Variants in PCSK6 observed in about 807,000 individuals in gnomAD.
PCSK6 encodes the protein proprotein convertase subtilisin/kexin type 6.
PCSK6 carries 85 observed loss-of-function variants against 123.3 expected under a neutral mutation model. The ratio of observed to expected loss-of-function variants is 0.69; its 90% CI spans 0.58 to 0.83. The LOEUF is 0.83. Among genes scored for constraint, PCSK6 ranks in the 40% least tolerant of loss-of-function variants. The probability of loss-of-function intolerance (pLI) is 0.00; values close to 1 mark genes in which losing one functional copy is unlikely to be tolerated. For missense variants in PCSK6, 1,191 were observed against 1,282.3 expected, an observed-to-expected ratio of 0.93 and a Z score of 1.09; for synonymous variants, 508 against 516.0, an observed-to-expected ratio of 0.98 and a Z score of 0.21.
intron 14 of PCSK6, 71 bp from the exon 15 acceptor site, chr15:101,331,760 C>A: frequency 6.2e-7 from 1 of 1,601,404 alleles, no homozygotes. Context: ...TCAGCCCCAC[C>A]TTTGCCAGGA....
At chr15:101,341,911 C>T (rs1193791902) in intron 13 of PCSK6, among the ~76,000 whole-genome samples, 2 of 152,082 alleles carry the variant, frequency 1.3e-5, no homozygotes, top group Admixed American at 1.3e-4. Context: ...GTATGGGTCA[C>T]TTGAGGTCAG....
intron 6 of PCSK6, among the ~76,000 whole-genome samples, chr15:101,420,637 A>G (rs1347198146): frequency 6.6e-6 from 1 of 152,240 alleles, no homozygotes; most frequent in African/African-American, 2.4e-5. Flanking sequence ...TGCTGGGATT[A>G]CAAGTGTGAA....
chr15:101,428,232 T>G (rs2056325225), intron 5 of PCSK6, among the ~76,000 whole-genome samples: 2 of 151,872 alleles, frequency 1.3e-5, no homozygotes, highest in Admixed American at 6.6e-5. Flanking sequence ...CCAGCATGCC[T>G]CCCCTGACCC....
chr15:101,362,973 C>T (rs1214379435), intron 13 of PCSK6, among the ~76,000 whole-genome samples: 1 of 152,124 alleles, frequency 6.6e-6, no homozygotes, highest in South Asian at 2.1e-4. Context: ...GGGACCCTGA[C>T]GAGCCCCGGT....
In PCSK6 at chr15:101,463,111, C is replaced by T. The variant is rs186448680; in HGVS notation, c.298-19451G>A. The T allele has an allele frequency of 1.3e-3, 598 of 459,294 alleles. 1 individual carries two copies. Among genetic ancestry groups the T allele is most frequent in the Non-Finnish European group, 2.4e-3 (541 of 228,112 alleles). The allele number at this position is 459,294 out of a possible 1,614,324, so 28.5% of individuals were successfully genotyped here. On this transcript the variant is annotated intron_variant, in intron 1 of 21. Transcript: ENST00000611716. ...CTCACCTTCCTAAAACTGTAAGAGA[C>T]CTGGAGCCGTTGAGCATCAATGACT... is the stretch of plus-strand genomic sequence containing the variant.
intron 13 of PCSK6, among the ~76,000 whole-genome samples, chr15:101,337,725 G>A (rs771474252): frequency 6.6e-6 from 1 of 152,222 alleles, no homozygotes; most frequent in Non-Finnish European, 1.5e-5. Flanking sequence ...CAGGGAACAT[G>A]TCTCTCTTGT....
At chr15:101,390,377 T>G (rs867155779) in intron 8 of PCSK6, among the ~76,000 whole-genome samples, 1 of 37,198 alleles carries the variant, frequency 2.7e-5, no homozygotes, top group South Asian at 1.1e-3. Context: ...TGTCCCCTGG[T>G]GTTATTCCAA....
Position 101,366,303 on chromosome 15 carries a change from G to A in PCSK6, c.1751C>T (p.Thr584Ile). 1.9e-6 allele frequency: 3 copies of A among 1,613,204 alleles called. No individual in the cohort carries two copies. The highest frequency in any genetic ancestry group is 2.5e-6 in the Non-Finnish European group (3 of 1,179,572). ...RLLDLSNEGFTNWEFMTVHCW... is the reference protein window; with the variant it reads ...RLLDLSNEGFINWEFMTVHCW... Reference sequence around the variant, plus strand: ...GTGGACAGTCATGAATTCCCAGTTTGTAAACCCTTCATTGGAAAGATCCAG... The same window carrying A: ...GTGGACAGTCATGAATTCCCAGTTTATAAACCCTTCATTGGAAAGATCCAG... The change falls in exon 13 of 22, where the codon ACA (threonine) becomes ATA (isoleucine). Residue 584 changes from threonine to isoleucine, a missense_variant. By Grantham distance (89) the Thr-to-Ile change is moderately conservative. Around this residue, in one of 3 missense-constraint regions of PCSK6, gnomAD observed 630 missense variants for 631.4 expected, o/e 1.00. Coordinates refer to ENST00000611716, the MANE Select transcript of PCSK6 (RefSeq NM_002570.5).
At chr15:101,375,759 G>T (rs2041718175) in intron 11 of PCSK6, among the ~76,000 whole-genome samples, 1 of 152,218 alleles carries the variant, frequency 6.6e-6, no homozygotes, top group South Asian at 2.1e-4. Flanking sequence ...TTCTGGCCAG[G>T]TGTGGTGGCT....
intron 6 of PCSK6, among the ~76,000 whole-genome samples, chr15:101,412,826 G>A (rs184458170): frequency 6.6e-6 from 1 of 151,826 alleles, no homozygotes; most frequent in African/African-American, 2.4e-5. Flanking sequence ...GAGTGGACAG[G>A]AGGAGAGGAA....
intron 10 of PCSK6, among the ~76,000 whole-genome samples, chr15:101,382,446 C>T (rs375697188): frequency 6.6e-6 from 1 of 152,212 alleles, no homozygotes; most frequent in African/African-American, 2.4e-5. Context: ...TCAGGAAACA[C>T]GTCCCGCTTT....
At chr15:101,325,107 C>T (rs1596184405) in intron 16 of PCSK6, 61 bp from the exon 17 acceptor site, 1 of 1,284,068 alleles carries the variant, frequency 7.8e-7, no homozygotes, top group East Asian at 2.4e-5. Flanking sequence ...CCCAGGCCTG[C>T]CCCTTTGTTT....
At chr15:101,347,075 C>G in intron 13 of PCSK6, 5 of 1,231,692 alleles carry the variant, frequency 4.1e-6, no homozygotes, top group Non-Finnish European at 5.1e-6. Flanking sequence ...GAGAGTGTGC[C>G]AAGTTCTTCA....
Position 101,305,644 on chromosome 15 carries a change from G to T in PCSK6, c.2813-289C>A. On this transcript the variant is annotated intron_variant, in intron 21 of 21. Coordinates refer to ENST00000611716, the MANE Select transcript of PCSK6 (RefSeq NM_002570.5). This position sits in a 1 kb window ranked among gnomAD's most constrained non-coding sequence, Gnocchi z 4.8. ...AACCACCTGAACCCAGGAGGCAGAGGTTGCAGTGAGCTGAGATCATGCCAC... is the reference window on the plus strand; with the variant it reads ...AACCACCTGAACCCAGGAGGCAGAGTTTGCAGTGAGCTGAGATCATGCCAC... 2 of 327,902 alleles carry T rather than the reference G, an allele frequency of 6.1e-6. No homozygotes were observed. Among genetic ancestry groups the T allele is most frequent in the Non-Finnish European group, 5.8e-6 (1 of 172,732 alleles). The allele number at this position is 327,902 out of a possible 1,614,324, so 20.3% of individuals were successfully genotyped here. A position where few individuals can be genotyped will look rare whatever the true frequency, so the allele number is the denominator to read the frequency against.
chr15:101,327,358 G>C (rs2040279620), intron 15 of PCSK6, among the ~76,000 whole-genome samples: 1 of 152,194 alleles, frequency 6.6e-6, no homozygotes, highest in African/African-American at 2.4e-5. Flanking sequence ...TACCCGTCAG[G>C]CGGGGGCGGG....
chr15:101,453,408 C>T (rs566504714), intron 1 of PCSK6, among the ~76,000 whole-genome samples: 1 of 152,314 alleles, frequency 6.6e-6, no homozygotes, highest in East Asian at 1.9e-4. Context: ...CCCTGCTGCT[C>T]GCTAACTTCC....
chr15:101,415,760 T>C (rs577572926), intron 6 of PCSK6, among the ~76,000 whole-genome samples: 127 of 152,340 alleles, frequency 8.3e-4, no homozygotes, highest in Middle Eastern at 6.8e-3. Context: ...ATTTTTGTGA[T>C]AGAGAGTAAG....
At chr15:101,425,730 G>C (rs544529158) in intron 6 of PCSK6, among the ~76,000 whole-genome samples, 1 of 152,212 alleles carries the variant, frequency 6.6e-6, no homozygotes, top group Non-Finnish European at 1.5e-5. Context: ...ACATTTTCCA[G>C]ATCTGGAGGG....
chr15:101,474,389 G>T (rs2057677002), intron 1 of PCSK6, among the ~76,000 whole-genome samples: 1 of 152,208 alleles, frequency 6.6e-6, no homozygotes, highest in Admixed American at 6.5e-5. Context: ...GAGAGGACAC[G>T]TGGAAAGCTA....
Sources: allele counts gnomAD v4.1 joint callset (sites outside exome capture counted in the v4.1 genomes callset), GRCh38; gene constraint gnomAD v4.1.1; regional missense constraint gnomAD v4.1.1; non-coding constraint Gnocchi (gnomAD v3.1); transcripts MANE v1.5; gene names NCBI Gene and HGNC (gene_info 2026-07-23, HGNC 2026-07-21).